FCHO1: variants seen among roughly 807,000 people sequenced by gnomAD.
The protein encoded by FCHO1 is F-BAR domain only protein 1.
Under a neutral mutation model 114.4 loss-of-function variants are expected in FCHO1, and 45 were observed. The ratio of observed to expected loss-of-function variants is 0.39; its 90% CI spans 0.31 to 0.50. The LOEUF (loss-of-function observed/expected upper bound fraction) is 0.50. FCHO1 is among the 20% of genes least tolerant of loss of function. The pLI is 0.77. For missense variants in FCHO1, 1,042 were observed against 1,209.6 expected (o/e 0.86, Z 2.06); for synonymous variants, 480 against 488.9 (o/e 0.98, Z 0.24).
intron 7 of FCHO1, among the ~76,000 whole-genome samples, chr19:17,770,012 CACAG>C (rs2090992232): frequency 6.6e-6 from 1 of 151,338 alleles, no homozygotes. Flanking sequence ...AAAACACACA[CACAG>C]AGGCCGGGCG....
chr19:17,774,352 A>G (rs764393835), intron 12 of FCHO1, 42 bp from the exon 13 acceptor site: 9 of 1,612,718 alleles, frequency 5.6e-6, no homozygotes, highest in Admixed American at 5.0e-5. Context: ...TGAATGTGAA[A>G]GGAGGCTCAC....
chr19:17,766,722 T>G lies in FCHO1; in HGVS notation c.248T>G (p.Leu83Arg). The change falls in exon 7 of 29, where the codon CTG becomes CGG. Residue 83 changes from leucine to arginine, a missense_variant. This residue lies in a region of FCHO1 where 450 missense variants were observed against 564.1 expected (regional missense o/e 0.80). Transcript: ENST00000596536. ...CGCGTCTCCTCGGACAAGCTGGCGC[T>G]GTGCCACCTGGAACTGACACGGAAG... is the stretch of plus-strand genomic sequence containing the variant. ...VFRVSSDKLA[L>R]CHLELTRKLQ... 1.2e-6 allele frequency: 2 copies of G among 1,614,192 alleles called. No homozygotes were observed. The highest frequency in any genetic ancestry group is 3.3e-4 in the Middle Eastern group (2 of 6,062).
At chr19:17,766,554 T>C in intron 6 of FCHO1, 115 bp from the exon 7 acceptor site, 1 of 1,311,068 alleles carries the variant, frequency 7.6e-7, no homozygotes, top group Non-Finnish European at 1.1e-6. Context: ...TATGAATTAG[T>C]ATTCATTCAT....
At chr19:17,772,074 G>T (rs539423629) in intron 9 of FCHO1, among the ~76,000 whole-genome samples, 5 of 152,268 alleles carry the variant, frequency 3.3e-5, no homozygotes, top group African/African-American at 1.2e-4. Context: ...GCCTCCCAAA[G>T]TGCTGGGATT....
rs778573967 is a variant in FCHO1 at position 17,781,538 on chromosome 19, C to T, written c.1827C>T (p.His609=). Residue 609 remains histidine (H), a splice_region_variant and synonymous_variant, in exon 22 of 29, where the codon CAC becomes CAT. Coordinates refer to ENST00000596536, the MANE Select transcript of FCHO1 (RefSeq NM_015122.3). ...CCAGCTTCTTATCCCAGACAGGACA[C>T]GGTATGTGAGGGCGGTCCTGGGCCT... ...ERPSFLSQTG[H]GVSRGPSPVV... is the part of the protein sequence containing the mutation. 20 of 1,613,724 alleles carry T rather than the reference C, an allele frequency of 1.2e-5. No individual in the cohort carries two copies. Among genetic ancestry groups the T allele is most frequent in the Admixed American group, 3.3e-5 (2 of 59,984 alleles).
chr19:17,771,207 G>A (rs552795331), intron 9 of FCHO1, among the ~76,000 whole-genome samples: 1 of 151,852 alleles, frequency 6.6e-6, no homozygotes, highest in African/African-American at 2.4e-5. Context: ...AGCCAAGATC[G>A]AGCCATTGTA....
chr19:17,788,273 C>CA lies in FCHO1; in HGVS notation c.2648-10dup. ...TCCCCACCCCTCCCCCTCACAGCTG[C>CA]ACCCCCACAGGGATGTACCTGGTGA... On this transcript the variant is annotated splice_polypyrimidine_tract_variant and intron_variant, in intron 28 of 28. Coordinates refer to ENST00000596536, the MANE Select transcript of FCHO1 (RefSeq NM_015122.3). 7.9e-7 allele frequency: 1 copy of CA among 1,271,684 alleles called. No homozygotes were observed. The highest frequency in any genetic ancestry group is 1.1e-6 in the Non-Finnish European group (1 of 920,266). 78.8% of individuals were successfully genotyped at this position (1,271,684 alleles called of 1,614,324 possible).
intron 7 of FCHO1, among the ~76,000 whole-genome samples, chr19:17,768,789 C>T (rs2090359532): frequency 6.6e-6 from 1 of 151,716 alleles, no homozygotes; most frequent in Non-Finnish European, 1.5e-5. Flanking sequence ...TCTGCCTCAG[C>T]CTTCCAAAAT....
At chr19:17,769,580 A>AAC (rs71162199) in intron 7 of FCHO1, among the ~76,000 whole-genome samples, 100 of 144,162 alleles carry the variant, frequency 6.9e-4, no homozygotes, top group East Asian at 3.6e-3. Flanking sequence ...CTTCGTCTCA[A>AAC]ACACACACAC....
intron 4 of FCHO1, among the ~76,000 whole-genome samples, chr19:17,758,214 CAAAA>C (rs1048494633): frequency 7.5e-6 from 1 of 132,952 alleles, no homozygotes; most frequent in Non-Finnish European, 1.6e-5. Flanking sequence ...GACTCCGTCT[CAAAA>C]AAAAAAAAGA....
chr19:17,770,415 T>A lies in FCHO1; in HGVS notation c.337-10T>A. ...ACAGTCTACCCATGAAATCCCCTCC[T>A]ACCCCGCAGTGCAAGGAGGAAGTGG... is the stretch of plus-strand genomic sequence containing the variant. On this transcript the variant is annotated splice_polypyrimidine_tract_variant and intron_variant, in intron 7 of 28. Coordinates refer to ENST00000596536, the MANE Select transcript of FCHO1 (RefSeq NM_015122.3). 1 of 1,601,012 alleles carries A rather than the reference T, an allele frequency of 6.2e-7. No individual in the cohort carries two copies. The highest frequency in any genetic ancestry group is 1.3e-5 in the African/African-American group (1 of 74,796).
chr19:17,755,818 C>T (rs1217498633), intron 4 of FCHO1, among the ~76,000 whole-genome samples: 1 of 152,194 alleles, frequency 6.6e-6, no homozygotes, highest in Non-Finnish European at 1.5e-5. Context: ...CCAGCTTAGA[C>T]ACCTTCAGCC....
intron 6 of FCHO1, among the ~76,000 whole-genome samples, chr19:17,765,882 CTTTTTTTTTTTT>C (rs397859350): frequency 5.0e-5 from 3 of 60,158 alleles, no homozygotes; most frequent in Admixed American, 2.5e-4. Flanking sequence ...CTTAGTCACT[CTTTTTTTTTTTT>C]TTTTTTTTTT....
At chr19:17,771,356 TA>T (rs1209962794) in intron 9 of FCHO1, among the ~76,000 whole-genome samples, 1 of 133,076 alleles carries the variant, frequency 7.5e-6, no homozygotes, top group Non-Finnish European at 1.6e-5. Context: ...GACAGGTGTA[TA>T]TAAAAAAAAA....
chr19:17,781,354 G>A lies in FCHO1; in HGVS notation c.1740+11G>A. On this transcript the variant is annotated intron_variant, in intron 21 of 28. Coordinates refer to ENST00000596536, the MANE Select transcript of FCHO1 (RefSeq NM_015122.3). Reference sequence around the variant, plus strand: ...AGCAATGGGGACCTGGTAGGTGAGGGGGCGTGGCAGGAGCTGGACTGGGGG... The same window carrying A: ...AGCAATGGGGACCTGGTAGGTGAGGAGGCGTGGCAGGAGCTGGACTGGGGG... The A allele has an allele frequency of 6.2e-7, 1 of 1,611,774 alleles. No homozygotes were observed. Among genetic ancestry groups the A allele is most frequent in the South Asian group, 1.1e-5 (1 of 91,028 alleles).
Position 17,786,583 on chromosome 19 carries a change from G to A in FCHO1, c.2436G>A (p.Glu812=), listed in dbSNP as rs994047310. ...RLQPAATWNL[E]EKRLTWRLPD... ...ATTCTTTCTCTGCCAGGAACCTGGAGGAGAAGCGGCTCACTTGGAGGCTTC... is the reference window on the plus strand; with the variant it reads ...ATTCTTTCTCTGCCAGGAACCTGGAAGAGAAGCGGCTCACTTGGAGGCTTC... Residue 812 remains glutamate, a synonymous_variant, in exon 27 of 29, where the codon GAG becomes GAA. Coordinates refer to ENST00000596536, the MANE Select transcript of FCHO1 (RefSeq NM_015122.3). 6.3e-7 allele frequency: 1 copy of A among 1,595,820 alleles called. No individual in the cohort carries two copies. The highest frequency in any genetic ancestry group is 1.7e-5 in the Admixed American group (1 of 59,352).
chr19:17,764,584 A>G (rs2146667661), intron 6 of FCHO1, 135 bp downstream of exon 6: 1 of 683,984 alleles, frequency 1.5e-6, no homozygotes, highest in East Asian at 3.0e-5. Flanking sequence ...AGGGATGTAT[A>G]TCATTCATTC....
chr19:17,766,662 C>T lies in FCHO1; in HGVS notation c.195-7C>T, dbSNP rs1316143654. 1 of 1,613,960 alleles carries T rather than the reference C, an allele frequency of 6.2e-7. No individual in the cohort carries two copies. Among genetic ancestry groups the T allele is most frequent in the African/African-American group, 1.3e-5 (1 of 75,052 alleles). Reference sequence around the variant, plus strand: ...TGAACCCTGGGTGTGACCTTGCCCGCCCCCAGGACCTTCGCCCCGCTCTGG... The same window carrying T: ...TGAACCCTGGGTGTGACCTTGCCCGTCCCCAGGACCTTCGCCCCGCTCTGG... On this transcript the variant is annotated splice_region_variant and splice_polypyrimidine_tract_variant and intron_variant, in intron 6 of 28. Transcript: ENST00000596536.
chr19:17,774,486 A>G lies in FCHO1; in HGVS notation c.920+8A>G. On this transcript the variant is annotated splice_region_variant and intron_variant, in intron 13 of 28. Coordinates refer to ENST00000596536, the MANE Select transcript of FCHO1 (RefSeq NM_015122.3). ...AGAGCCACCTGCAGCTGTGTGAGGA[A>G]GCACCCCTGCCCGGTCTGGCCCAGG... 1.2e-6 allele frequency: 2 copies of G among 1,611,610 alleles called. No individual in the cohort carries two copies. Among genetic ancestry groups the G allele is most frequent in the Non-Finnish European group, 1.7e-6 (2 of 1,179,314 alleles).
Sources: gnomAD v4.1 joint callset for allele counts (sites outside exome capture counted in the v4.1 genomes callset) on GRCh38, gnomAD v4.1.1 for gene constraint, gnomAD v4.1.1 regional missense constraint, MANE v1.5 for transcripts, NCBI Gene and HGNC (gene_info 2026-07-23, HGNC 2026-07-21) for gene names.